The following TMC7 variants were observed in gnomAD, a reference collection of about 807,000 sequenced individuals.
TMC7 encodes the protein transmembrane channel-like protein 7.
In TMC7, 54 loss-of-function variants were observed where a neutral mutation model predicts 82.9. The observed-to-expected ratio is 0.65, with a 90% CI of 0.52 to 0.82. The LOEUF (loss-of-function observed/expected upper bound fraction) is 0.82. Among genes scored for constraint, TMC7 ranks in the 40% least tolerant of loss-of-function variants. TMC7 has a pLI of 0.00. For missense variants in TMC7, 820 were observed against 901.2 expected (o/e 0.91, Z 1.15); for synonymous variants, 350 against 337.9 (o/e 1.04, Z -0.39).
intron 11 of TMC7, among the ~76,000 whole-genome samples, chr16:19,045,649 T>C (rs1961243628): frequency 1.4e-5 from 2 of 140,854 alleles, no homozygotes; most frequent in Admixed American, 7.9e-5. Context: ...CAGGCTGGAG[T>C]GCAGTGGCGC....
chr16:19,021,729 C>G lies in TMC7; in HGVS notation c.561C>G (p.Leu187=), dbSNP rs750959539. 5.6e-5 allele frequency: 90 copies of G among 1,613,958 alleles called. No homozygotes were observed. The highest frequency in any genetic ancestry group is 7.5e-5 in the Non-Finnish European group (88 of 1,180,032). The change falls in exon 4 of 16, where the codon CTC becomes CTG. Residue 187 remains leucine, a synonymous_variant. Coordinates refer to ENST00000304381, the MANE Select transcript of TMC7 (RefSeq NM_024847.4). ...TGATCATCTTTATGCTGGTTTTGCT[C>G]CCAGTCTTACTCACGAAATACAAGA... The part of the protein sequence containing the change: ...IFLIIFMLVL[L]PVLLTKYKIT...
At chr16:18,997,189 G>C (rs918923515) in intron 1 of TMC7, among the ~76,000 whole-genome samples, 1 of 152,198 alleles carries the variant, frequency 6.6e-6, no homozygotes, top group Admixed American at 6.5e-5. Context: ...CCTGGGTTTT[G>C]GCATCAAATG....
intron 9 of TMC7, among the ~76,000 whole-genome samples, chr16:19,043,279 C>G (rs918107214): frequency 2.6e-5 from 4 of 152,066 alleles, no homozygotes; most frequent in African/African-American, 9.7e-5. Context: ...AGACATCCCG[C>G]GACCCTGATA....
intron 7 of TMC7, among the ~76,000 whole-genome samples, chr16:19,036,956 A>C (rs1175976234): frequency 6.6e-6 from 1 of 152,176 alleles, no homozygotes; most frequent in African/African-American, 2.4e-5. Context: ...ACAACACCTC[A>C]CCTGTATTGT....
intron 1 of TMC7, among the ~76,000 whole-genome samples, chr16:19,003,345 G>A (rs543460398): frequency 5.3e-5 from 8 of 152,228 alleles, no homozygotes; most frequent in Non-Finnish European, 1.0e-4. Context: ...GGCAACGGCC[G>A]CCCCTACTGG....
chr16:19,060,405 A>G (rs1337140879), intron 15 of TMC7, among the ~76,000 whole-genome samples: 5 of 151,848 alleles, frequency 3.3e-5, no homozygotes, highest in Admixed American at 2.0e-4. Context: ...AGGTCTCCCT[A>G]TGTTGCCCAG....
intron 1 of TMC7, among the ~76,000 whole-genome samples, chr16:18,988,731 A>G (rs2038897322): frequency 6.6e-6 from 1 of 152,180 alleles, no homozygotes; most frequent in East Asian, 1.9e-4. Flanking sequence ...TTGTGCCTAT[A>G]CTTTCTGGAG....
chr16:18,993,306 C>T (rs533924548), intron 1 of TMC7, among the ~76,000 whole-genome samples: 61 of 152,194 alleles, frequency 4.0e-4, no homozygotes, highest in East Asian at 7.7e-4. Context: ...TAGATATTCA[C>T]GATGGAAAGG....
At chr16:19,051,428 G>A (rs959627036) in intron 12 of TMC7, among the ~76,000 whole-genome samples, 4 of 139,456 alleles carry the variant, frequency 2.9e-5, no homozygotes, top group African/African-American at 8.2e-5. Flanking sequence ...ACAGTCCCCG[G>A]TGTGTGATGT....
intron 1 of TMC7, among the ~76,000 whole-genome samples, chr16:18,992,549 C>T (rs1381811791): frequency 6.6e-6 from 1 of 152,072 alleles, no homozygotes; most frequent in Non-Finnish European, 1.5e-5. Context: ...CTGTAGGTTG[C>T]CTGTTCACTC....
intron 15 of TMC7, among the ~76,000 whole-genome samples, chr16:19,060,634 A>G (rs73528953): frequency 0.054 from 8,193 of 152,226 alleles, 286 homozygotes; most frequent in South Asian, 0.13. Flanking sequence ...GGGAGGGGAC[A>G]GTGTGGCCAC....
intron 3 of TMC7, among the ~76,000 whole-genome samples, chr16:19,020,898 G>T (rs1418980330): frequency 1.4e-5 from 2 of 141,952 alleles, no homozygotes; most frequent in East Asian, 3.9e-4. Context: ...ATAAAAGCCA[G>T]ATATCTAGGA....
intron 5 of TMC7, among the ~76,000 whole-genome samples, chr16:19,028,204 A>G (rs1389416092): frequency 2.6e-5 from 4 of 152,012 alleles, no homozygotes; most frequent in African/African-American, 9.7e-5. Context: ...CCTGCCATCC[A>G]AGGAGGTGTT....
chr16:19,045,483 G>GCACA, intron 11 of TMC7, 45 bp downstream of exon 11: 2 of 1,255,286 alleles, frequency 1.6e-6, no homozygotes, highest in Non-Finnish European at 2.3e-6. Flanking sequence ...CCACACACAT[G>GCACA]CACACACACA....
chr16:18,996,180 C>T (rs2039041039), intron 1 of TMC7, among the ~76,000 whole-genome samples: 1 of 152,044 alleles, frequency 6.6e-6, no homozygotes, highest in African/African-American at 2.4e-5. Context: ...GAATTGGGAC[C>T]TGGCTTGGCC....
In TMC7 at chr16:19,021,718, C is replaced by T. The variant is rs1959984395; in HGVS notation, c.550C>T (p.Leu184=). ...NLVIFLIIFM[L]VLLPVLLTKY... ...GGTGATATTTCTGATCATCTTTATG[C>T]TGGTTTTGCTCCCAGTCTTACTCAC... Residue 184 remains leucine (L), a synonymous_variant, in exon 4 of 16, where the codon CTG becomes TTG. Coordinates refer to ENST00000304381, the MANE Select transcript of TMC7 (RefSeq NM_024847.4). 6.2e-7 allele frequency: 1 copy of T among 1,614,100 alleles called. No individual in the cohort carries two copies. Among genetic ancestry groups the T allele is most frequent in the East Asian group, 2.2e-5 (1 of 44,884 alleles).
rs1164583618 is a variant in TMC7, at chr16:18,986,058, C to T, written c.67+1928C>T. Among the ~76,000 whole-genome samples the T allele has an allele frequency of 4.0e-5, 6 of 149,988 alleles. No homozygotes were observed. In the South Asian group the frequency reaches 1.1e-3, roughly 26 times the overall value. ...TAAAAAAAAAAGAAGAGGTATGTATCCTTCTAAATGATAAAACAGATCACT... is the reference window on the plus strand; with the variant it reads ...TAAAAAAAAAAGAAGAGGTATGTATTCTTCTAAATGATAAAACAGATCACT... On this transcript the variant is annotated intron_variant, in intron 1 of 15. Coordinates refer to ENST00000304381, the MANE Select transcript of TMC7 (RefSeq NM_024847.4).
chr16:19,060,867 A>G (rs1201732117), intron 15 of TMC7, among the ~76,000 whole-genome samples: 6 of 149,496 alleles, frequency 4.0e-5, no homozygotes, highest in African/African-American at 1.5e-4. Context: ...GCTCACTGCA[A>G]CCTCCACCTC....
At chr16:19,042,961 T>C (rs1596782350) in intron 9 of TMC7, among the ~76,000 whole-genome samples, 2 of 152,036 alleles carry the variant, frequency 1.3e-5, no homozygotes, top group East Asian at 3.9e-4. Flanking sequence ...TTAGCCAGGA[T>C]GGTCTCGATC....
Sources: gnomAD v4.1 joint callset for allele counts (sites outside exome capture counted in the v4.1 genomes callset) on GRCh38, gnomAD v4.1.1 for gene constraint, MANE v1.5 for transcripts, NCBI Gene and HGNC (gene_info 2026-07-23, HGNC 2026-07-21) for gene names.